EPHA6: variants seen among roughly 807,000 people sequenced by gnomAD.
EPHA6 encodes the protein ephrin type-A receptor 6.
A neutral mutation model predicts 112.0 loss-of-function variants in EPHA6; 50 were observed. The observed-to-expected ratio is 0.45, with a 90% CI of 0.36 to 0.56. The LOEUF is 0.56. EPHA6 is among the 20% of genes least tolerant of loss of function. EPHA6 has a pLI of 0.00. For missense variants in EPHA6, 1,280 were observed against 1,417.4 expected (o/e 0.90, Z 1.56); for synonymous variants, 529 against 490.7 (o/e 1.08, Z -1.03).
At chr3:97,566,406 A>G (rs2093267469) in intron 11 of EPHA6, among the ~76,000 whole-genome samples, 1 of 152,202 alleles carries the variant, frequency 6.6e-6, no homozygotes, top group Admixed American at 6.5e-5. Context: ...TATCTGGTCA[A>G]ATCCCTCAAT....
chr3:97,433,608 G>A (rs1277691661), intron 6 of EPHA6, among the ~76,000 whole-genome samples: 5 of 152,124 alleles, frequency 3.3e-5, no homozygotes, highest in Admixed American at 2.6e-4. Context: ...CAAAGCAGTA[G>A]GATGTACCTT....
At chr3:97,038,113 T>C (rs918363767) in intron 3 of EPHA6, among the ~76,000 whole-genome samples, 2 of 152,066 alleles carry the variant, frequency 1.3e-5, no homozygotes, top group African/African-American at 4.8e-5. Context: ...CTCAGAGTAA[T>C]TGGGATATCC....
At chr3:97,441,358 C>A in intron 6 of EPHA6, 1 of 561,136 alleles carries the variant, frequency 1.8e-6, no homozygotes, top group Non-Finnish European at 2.3e-6. Flanking sequence ...CACTTGGCAA[C>A]AGATAAATTG....
chr3:97,122,740 G>A lies in EPHA6; in HGVS notation c.1115-103524G>A, dbSNP rs141226982. On this transcript the variant is annotated intron_variant, in intron 3 of 17. Transcript: ENST00000389672. ...AAGTTACTTCTGAAGAGTGTTAATT[G>A]TATAGAATTCTTTATATACAAGCCA... is the stretch of plus-strand genomic sequence containing the variant. Among the ~76,000 whole-genome samples the A allele has an allele frequency of 1.8e-3, 275 of 152,014 alleles. 8 individuals carry two copies. In the East Asian group the frequency reaches 0.043, roughly 24 times the overall value.
At chr3:97,213,999 G>C (rs1170645995) in intron 3 of EPHA6, among the ~76,000 whole-genome samples, 3 of 16,182 alleles carry the variant, frequency 1.9e-4, no homozygotes, top group Non-Finnish European at 5.9e-4. Context: ...CATGTGTTCT[G>C]TGTGTGTGTG....
chr3:96,879,361 A>C (rs1025258170), intron 2 of EPHA6, among the ~76,000 whole-genome samples: 1 of 152,120 alleles, frequency 6.6e-6, no homozygotes, highest in East Asian at 1.9e-4. Flanking sequence ...CATCAAAAAC[A>C]CACACTTTTA....
chr3:97,320,832 T>A (rs2317379), intron 5 of EPHA6, among the ~76,000 whole-genome samples: 126,045 of 138,632 alleles, frequency 0.91, 56,766 homozygotes, highest in East Asian at 0.99. Flanking sequence ...ATAAAAAAAA[T>A]AAAAAAAAAG....
intron 5 of EPHA6, among the ~76,000 whole-genome samples, chr3:97,267,555 G>A (rs1405167946): frequency 6.6e-6 from 1 of 151,754 alleles, no homozygotes; most frequent in Admixed American, 6.6e-5. Context: ...ATGCATAAAC[G>A]AAAAAAATCT....
chr3:97,546,858 G>A lies in EPHA6; in HGVS notation c.2386+14315G>A, dbSNP rs115930486. Among the ~76,000 whole-genome samples, 1,187 of 152,068 alleles carry A rather than the reference G, an allele frequency of 7.8e-3. 6 individuals are homozygous for A. The highest frequency in any genetic ancestry group is 0.025 in the African/African-American group (1,037 of 41,488). On this transcript the variant is annotated intron_variant, in intron 11 of 17. Coordinates refer to ENST00000389672, the MANE Select transcript of EPHA6 (RefSeq NM_001080448.3). ...ACCCTTTCTTCCAGTTGATCACAGC[G>A]GCTACTGAAGCATCTGCATTCGTCA...
intron 3 of EPHA6, among the ~76,000 whole-genome samples, chr3:97,036,560 C>T (rs1202944080): frequency 2.0e-5 from 3 of 151,902 alleles, no homozygotes; most frequent in Non-Finnish European, 4.4e-5. Context: ...TTTCTCCCAA[C>T]TTGGACGTTC....
chr3:97,222,995 G>A (rs2078251202), intron 3 of EPHA6, among the ~76,000 whole-genome samples: 1 of 152,158 alleles, frequency 6.6e-6, no homozygotes, highest in South Asian at 2.1e-4. Flanking sequence ...ATAAGGAATT[G>A]GCAACATACG....
intron 1 of EPHA6, among the ~76,000 whole-genome samples, chr3:96,853,949 ACTT>A: frequency 1.3e-5 from 2 of 152,120 alleles, no homozygotes; most frequent in Middle Eastern, 3.4e-3. Flanking sequence ...TTTTGCAACT[ACTT>A]AAAGATTTTC....
At chr3:96,992,338 A>T (rs1021640181) in intron 3 of EPHA6, among the ~76,000 whole-genome samples, 12 of 152,066 alleles carry the variant, frequency 7.9e-5, no homozygotes, top group African/African-American at 2.7e-4. Context: ...AGCAAATATC[A>T]CAAGTTTTAA....
intron 10 of EPHA6, among the ~76,000 whole-genome samples, chr3:97,532,051 C>G (rs2092701555): frequency 6.6e-6 from 1 of 152,044 alleles, no homozygotes; most frequent in African/African-American, 2.4e-5. Flanking sequence ...GCTGTGATTG[C>G]ATTTCTATAG....
intron 1 of EPHA6, among the ~76,000 whole-genome samples, chr3:96,848,983 T>C (rs1318800059): frequency 1.3e-5 from 2 of 152,118 alleles, no homozygotes; most frequent in South Asian, 2.1e-4. Flanking sequence ...CTGCTTTTTT[T>C]CCAGTACAAT....
At chr3:97,439,959 G>A (rs971382210) in intron 6 of EPHA6, among the ~76,000 whole-genome samples, 2 of 152,094 alleles carry the variant, frequency 1.3e-5, no homozygotes, top group Non-Finnish European at 2.9e-5. Flanking sequence ...ATGGTTTAGC[G>A]ATTCCTTTGT....
intron 3 of EPHA6, among the ~76,000 whole-genome samples, chr3:96,998,742 A>G (rs2043516580): frequency 6.6e-6 from 1 of 151,740 alleles, no homozygotes; most frequent in East Asian, 1.9e-4. Context: ...TTTTAACCTG[A>G]GAAAGAGAGA....
At chr3:97,451,718 A>T (rs2090535881) in intron 7 of EPHA6, among the ~76,000 whole-genome samples, 1 of 151,840 alleles carries the variant, frequency 6.6e-6, no homozygotes, top group South Asian at 2.1e-4. Context: ...AAATTCAAGG[A>T]TATGATGATG....
chr3:97,298,476 A>G (rs922734930), intron 5 of EPHA6, among the ~76,000 whole-genome samples: 38 of 152,216 alleles, frequency 2.5e-4, no homozygotes, highest in African/African-American at 8.4e-4. Context: ...ATAATTAATT[A>G]CAGTGTGACA....
Sources: gnomAD v4.1 joint callset for allele counts (sites outside exome capture counted in the v4.1 genomes callset) on GRCh38, gnomAD v4.1.1 for gene constraint, MANE v1.5 for transcripts, NCBI Gene and HGNC (gene_info 2026-07-23, HGNC 2026-07-21) for gene names.